BCKDHB: variants seen among roughly 807,000 people sequenced by gnomAD.
BCKDHB encodes 2-oxoisovalerate dehydrogenase subunit beta, mitochondrial.
Under a neutral mutation model 48.5 loss-of-function variants are expected in BCKDHB, and 41 were observed. The ratio of observed to expected loss-of-function variants is 0.85; its 90% CI spans 0.66 to 1.10. BCKDHB has a LOEUF of 1.10. Among genes scored for constraint, BCKDHB ranks in the 50% least tolerant of loss-of-function variants. The pLI is 0.00. For synonymous variants in BCKDHB, 201 were observed against 174.8 expected (o/e 1.15, Z -1.18); for missense variants, 496 against 494.2 (o/e 1.00, Z -0.03).
the BCKDHB span, among the ~76,000 whole-genome samples, chr6:80,414,072 A>G: frequency 2.6e-5 from 4 of 152,044 alleles, no homozygotes; most frequent in African/African-American, 7.2e-5. Flanking sequence ...TTTTCTTCAT[A>G]TGATCATTGG....
At chr6:80,438,672 C>G in the BCKDHB span, among the ~76,000 whole-genome samples, 2 of 152,034 alleles carry the variant, frequency 1.3e-5, no homozygotes, top group African/African-American at 4.8e-5. Flanking sequence ...GTTTCTAGCT[C>G]CAATTAGAGA....
chr6:80,380,553 G>A, the BCKDHB span, among the ~76,000 whole-genome samples: 2 of 151,786 alleles, frequency 1.3e-5, no homozygotes, highest in Non-Finnish European at 2.9e-5. Context: ...AAACCCAAAA[G>A]CACAAGCAAC....
chr6:80,362,438 T>TA, the BCKDHB span, among the ~76,000 whole-genome samples: 1 of 152,246 alleles, frequency 6.6e-6, no homozygotes, highest in East Asian at 1.9e-4. Context: ...CAGAAGTTGA[T>TA]AGCACTGATT....
rs560354030 is a variant in BCKDHB at position 80,344,987 on chromosome 6, A to AAAAC, written c.*1196_*1199dup. On this transcript the variant is annotated 3_prime_UTR_variant, in exon 10 of 10. Transcript: ENST00000320393. ...TGTATGTAAGGAAAAATTTTACCTGAAAACAAACAAACAAACCCTAAAACT... is the reference window on the plus strand; with the variant it reads ...TGTATGTAAGGAAAAATTTTACCTGAAAACAAACAAACAAACAAACCCTAAAACT... 4 of 152,196 alleles carry AAAAC rather than the reference A, an allele frequency of 2.6e-5. No individual in the cohort carries two copies. Among genetic ancestry groups the AAAAC allele is most frequent in the Non-Finnish European group, 4.4e-5 (3 of 68,026 alleles). 9.4% of individuals were successfully genotyped at this position (152,196 alleles called of 1,614,324 possible).
intron 8 of BCKDHB, among the ~76,000 whole-genome samples, chr6:80,218,059 G>T (rs1245657359): frequency 6.6e-6 from 1 of 152,166 alleles, no homozygotes; most frequent in African/African-American, 2.4e-5. Context: ...TTTGCGTTTT[G>T]CTTTGTTCCT....
intron 9 of BCKDHB, among the ~76,000 whole-genome samples, chr6:80,340,880 G>A (rs1426593528): frequency 6.6e-6 from 1 of 152,156 alleles, no homozygotes; most frequent in Non-Finnish European, 1.5e-5. Context: ...TGTTTTGGTG[G>A]TAGTGCAGAG....
chr6:80,271,074 AT>A (rs1281276740), intron 8 of BCKDHB, among the ~76,000 whole-genome samples: 3 of 152,056 alleles, frequency 2.0e-5, no homozygotes, highest in Non-Finnish European at 4.4e-5. Context: ...GGGAGAAACT[AT>A]TTTTGATATT....
Position 80,266,196 on chromosome 6 carries a change from C to A in BCKDHB, c.952-6939C>A, listed in dbSNP as rs140398350. Among the ~76,000 whole-genome samples, 1,056 of 152,174 alleles carry A rather than the reference C, an allele frequency of 6.9e-3. 7 individuals are homozygous for A. The highest frequency in any genetic ancestry group is 0.012 in the Non-Finnish European group (827 of 67,992). On this transcript the variant is annotated intron_variant, in intron 8 of 9. Coordinates refer to ENST00000320393, the MANE Select transcript of BCKDHB (RefSeq NM_183050.4). ...ATAGCCAAATCACATGTTACAATTT[C>A]TTTTCTTCATAGAAACAGATTGAGT...
intron 3 of BCKDHB, among the ~76,000 whole-genome samples, chr6:80,167,178 T>C (rs937742715): frequency 6.6e-6 from 1 of 152,194 alleles, no homozygotes; most frequent in Non-Finnish European, 1.5e-5. Flanking sequence ...CTACTTTGCC[T>C]GCTATTAATA....
At chr6:80,412,026 C>G in the BCKDHB span, among the ~76,000 whole-genome samples, 2 of 152,208 alleles carry the variant, frequency 1.3e-5, no homozygotes, top group African/African-American at 4.8e-5. Context: ...CAGAAATTGC[C>G]TGTCTTCTGC....
rs145562829 is a variant in BCKDHB, at chr6:80,249,760, C to T, written c.952-23375C>T. 3.4e-3 allele frequency among the ~76,000 whole-genome samples: 511 copies of T among 152,190 alleles called. 3 individuals are homozygous for T. Among genetic ancestry groups the T allele is most frequent in the African/African-American group, 0.012 (485 of 41,544 alleles). On this transcript the variant is annotated intron_variant, in intron 8 of 9. Coordinates refer to ENST00000320393, the MANE Select transcript of BCKDHB (RefSeq NM_183050.4). ...AGAGCTAGTGCTTAATATTTTTAAA[C>T]TTCATTTATAAATTCCTTAAAGCAA...
chr6:80,422,737 G>C, the BCKDHB span, among the ~76,000 whole-genome samples: 3 of 152,150 alleles, frequency 2.0e-5, no homozygotes, highest in Non-Finnish European at 2.9e-5. Context: ...AGGGATGGTG[G>C]CCTCTTTGTT....
At chr6:80,273,282 GA>G in intron 9 of BCKDHB, 61 bp downstream of exon 9, 3 of 1,347,850 alleles carry the variant, frequency 2.2e-6, no homozygotes, top group Non-Finnish European at 3.2e-6. Flanking sequence ...AATTCCAGAA[GA>G]AAATAAATTA....
chr6:80,429,802 A>T, the BCKDHB span, among the ~76,000 whole-genome samples: 2 of 152,194 alleles, frequency 1.3e-5, no homozygotes, highest in Admixed American at 6.5e-5. Flanking sequence ...TGATCATGTC[A>T]TCTACAAACA....
At chr6:80,268,222 C>T (rs1033734385) in intron 8 of BCKDHB, among the ~76,000 whole-genome samples, 1 of 151,956 alleles carries the variant, frequency 6.6e-6, no homozygotes, top group Non-Finnish European at 1.5e-5. Context: ...AACAAGAAAA[C>T]GTCTCAAAAA....
intron 3 of BCKDHB, among the ~76,000 whole-genome samples, chr6:80,160,151 C>A (rs1772241236): frequency 6.6e-6 from 1 of 152,068 alleles, no homozygotes; most frequent in Non-Finnish European, 1.5e-5. Flanking sequence ...AGGCTGTCAC[C>A]TTAAGTCATG....
At chr6:80,352,341 A>G in the BCKDHB span, among the ~76,000 whole-genome samples, 1 of 152,044 alleles carries the variant, frequency 6.6e-6, no homozygotes, top group African/African-American at 2.4e-5. Context: ...TCTTTAACTG[A>G]AAAAGGGTGA....
intron 8 of BCKDHB, among the ~76,000 whole-genome samples, chr6:80,246,527 A>G (rs902644593): frequency 6.6e-6 from 1 of 151,996 alleles, no homozygotes; most frequent in Non-Finnish European, 1.5e-5. Context: ...AGCCCTCCAG[A>G]CCTCCTTTGG....
rs1410915449 is a variant in BCKDHB, at chr6:80,107,415, T to TTGTG, written c.196+530_196+533dup. Among the ~76,000 whole-genome samples, 95 of 91,850 alleles carry TTGTG rather than the reference T, an allele frequency of 1.0e-3. 3 individuals are homozygous for TTGTG. The East Asian group carries it at 0.022, about 21-fold the overall frequency. The allele number at this position is 91,850 out of a possible 152,430, so 60.3% of individuals were successfully genotyped here. ...CTTGGTTTCTTCTTACATACAGAAA[T>TTGTG]TGTGTGTATGTGTGTGTGTGTGTGT... is the stretch of plus-strand genomic sequence containing the variant. On this transcript the variant is annotated intron_variant, in intron 1 of 9. Transcript: ENST00000320393.
Sources: allele counts gnomAD v4.1 joint callset (sites outside exome capture counted in the v4.1 genomes callset), GRCh38; gene constraint gnomAD v4.1.1; transcripts MANE v1.5; gene names NCBI Gene and HGNC (gene_info 2026-07-23, HGNC 2026-07-21).